Variants in DMD observed in about 807,000 individuals in gnomAD.
DMD encodes dystrophin.
In DMD, 63 loss-of-function variants were observed where a neutral mutation model predicts 330.1. The ratio of observed to expected loss-of-function variants is 0.19; its 90% CI spans 0.16 to 0.24. The LOEUF (loss-of-function observed/expected upper bound fraction) is 0.24, where lower values mean the gene tolerates loss of function less well. Among genes scored for constraint, DMD ranks in the 10% least tolerant of loss-of-function variants. The probability of loss-of-function intolerance (pLI) is 1.00; values close to 1 mark genes in which losing one functional copy is unlikely to be tolerated. For synonymous variants in DMD, 1,223 were observed against 959.8 expected, an observed-to-expected ratio of 1.27 and a Z score of -5.07; for missense variants, 3,344 against 2,684.1, an observed-to-expected ratio of 1.25 and a Z score of -5.43.
intron 49 of DMD, among the ~76,000 whole-genome samples, chrX:31,833,004 G>A (rs1399854294): frequency 9.0e-6 from 1 of 110,908 alleles, no homozygotes; most frequent in African/African-American, 3.3e-5. Flanking sequence ...TTATATTGTT[G>A]TTACTGATAG....
At chrX:32,670,153 T>C (rs761929191) in intron 9 of DMD, among the ~76,000 whole-genome samples, 63 of 111,482 alleles carry the variant, frequency 5.7e-4, no homozygotes, top group Admixed American at 2.0e-3. Flanking sequence ...ATATGAAAAG[T>C]TATTATACTT....
chrX:33,053,871 G>C (rs1362546073), intron 1 of DMD, among the ~76,000 whole-genome samples: 1 of 111,150 alleles, frequency 9.0e-6, no homozygotes, highest in Non-Finnish European at 1.9e-5. Context: ...TCGGTGGGTG[G>C]GAAGGGGTGA....
At chrX:31,538,231 C>T (rs1386577584) in intron 55 of DMD, among the ~76,000 whole-genome samples, 1 of 112,238 alleles carries the variant, frequency 8.9e-6, no homozygotes, top group Non-Finnish European at 1.9e-5. Context: ...GGTGTGCCTG[C>T]ATTTTCACTG....
At chrX:31,815,959 C>A (rs967934294) in intron 50 of DMD, among the ~76,000 whole-genome samples, 1 of 111,856 alleles carries the variant, frequency 8.9e-6, no homozygotes, top group African/African-American at 3.3e-5. Context: ...GTTCTGCAAC[C>A]AACAGCCAGC....
At chrX:31,575,638 GGTAA>G (rs1294405642) in intron 55 of DMD, among the ~76,000 whole-genome samples, 1 of 111,851 alleles carries the variant, frequency 8.9e-6, no homozygotes, top group Non-Finnish European at 1.9e-5. Context: ...TTTGTGTGAA[GGTAA>G]GTAAGTGCCA....
chrX:32,406,665 T>C (rs2098118598), intron 30 of DMD, among the ~76,000 whole-genome samples: 3 of 110,864 alleles, frequency 2.7e-5, no homozygotes, highest in Admixed American at 9.6e-5. Flanking sequence ...CAGTATTTTA[T>C]TGAGGATTTT....
chrX:32,288,633 G>A (rs1212390030), intron 42 of DMD, among the ~76,000 whole-genome samples: 1 of 111,703 alleles, frequency 9.0e-6, no homozygotes, highest in African/African-American at 3.3e-5. Flanking sequence ...ATCTTCTGGT[G>A]GCTCTTCATC....
intron 27 of DMD, among the ~76,000 whole-genome samples, chrX:32,448,128 T>C (rs2098313255): frequency 9.1e-6 from 1 of 110,350 alleles, no homozygotes; most frequent in Non-Finnish European, 1.9e-5. Context: ...CTGGAGAAAA[T>C]TTATAGGATT....
intron 48 of DMD, among the ~76,000 whole-genome samples, chrX:31,857,942 A>G (rs2093642086): frequency 9.1e-6 from 1 of 110,053 alleles, no homozygotes; most frequent in Non-Finnish European, 1.9e-5. Context: ...CACTGACACT[A>G]TTGCTCAAAG....
chrX:31,525,250 A>G (rs1032426604), intron 55 of DMD, among the ~76,000 whole-genome samples: 13 of 111,965 alleles, frequency 1.2e-4, no homozygotes, highest in Non-Finnish European at 2.1e-4. Context: ...GAAGCATTTA[A>G]AAGAGGACTT....
At chrX:33,084,364 T>A (rs1393526399) in intron 1 of DMD, among the ~76,000 whole-genome samples, 2 of 112,396 alleles carry the variant, frequency 1.8e-5, no homozygotes, top group African/African-American at 6.5e-5. Flanking sequence ...AAAGAGTAAT[T>A]CATGCAGAGC....
intron 72 of DMD, among the ~76,000 whole-genome samples, chrX:31,172,849 T>C (rs1387992604): frequency 2.7e-5 from 3 of 111,826 alleles, no homozygotes; most frequent in East Asian, 2.8e-4. Flanking sequence ...AGTTAGAATA[T>C]TGACAAAGGA....
chrX:32,053,143 ATAGT>A (rs1207165631), intron 44 of DMD, among the ~76,000 whole-genome samples: 2 of 111,578 alleles, frequency 1.8e-5, no homozygotes, highest in African/African-American at 6.5e-5. Context: ...AGAAGGTGTA[ATAGT>A]TAGGTCACGC....
intron 43 of DMD, among the ~76,000 whole-genome samples, chrX:32,252,763 AATATATATAAAT>A (rs2097274914): frequency 5.2e-5 from 1 of 19,336 alleles, no homozygotes; most frequent in Admixed American, 1.4e-3. Context: ...TAAATATATA[AATATATATAAAT>A]ATATATAAAT....
chrX:31,844,152 C>T (rs1408563372), intron 48 of DMD, among the ~76,000 whole-genome samples: 1 of 112,038 alleles, frequency 8.9e-6, no homozygotes, highest in African/African-American at 3.2e-5. Flanking sequence ...AGCCACCGCA[C>T]CTGGCTGAGA....
chrX:32,448,613 T>C lies in DMD; in HGVS notation c.3629A>G (p.Lys1210Arg). ...AGTAAGGAGTTTCACTTTCGCTTCT[T>C]TTTGTTGGGCCTCTTCTTTAGCTCT... is the stretch of plus-strand genomic sequence containing the variant. ...MKRAKEEAQQ[K>R]EAKVKLLTES... Residue 1210 changes from lysine to arginine, a missense_variant, in exon 27 of 79, where the codon AAA becomes AGA. Physicochemically the swap from Lys to Arg is conservative, Grantham distance 26. Coordinates refer to ENST00000357033, the MANE Select transcript of DMD (RefSeq NM_004006.3). 2 of 1,207,812 alleles carry C rather than the reference T, an allele frequency of 1.7e-6. No homozygotes were observed. Among genetic ancestry groups the C allele is most frequent in the Non-Finnish European group, 2.2e-6 (2 of 892,999 alleles).
chrX:32,961,864 T>C lies in DMD; in HGVS notation c.93+58275A>G, dbSNP rs1294045219. ...AACTAAGTCATCCCAGTTTTGCACA[T>C]ATTATACTTGCGTTAAGTTCTTTTT... On this transcript the variant is annotated intron_variant, in intron 2 of 78. Transcript: ENST00000357033. Among the ~76,000 whole-genome samples the C allele has an allele frequency of 2.7e-5, 3 of 111,895 alleles. No individual in the cohort carries two copies. In the South Asian group the frequency reaches 1.1e-3, roughly 41 times the overall value.
chrX:32,748,020 TA>T (rs1312124850), intron 7 of DMD, among the ~76,000 whole-genome samples: 2 of 111,551 alleles, frequency 1.8e-5, no homozygotes, highest in Non-Finnish European at 3.8e-5. Context: ...AGCACAATGG[TA>T]ATACACGTAT....
At chrX:31,730,004 C>G (rs1176477445) in intron 51 of DMD, among the ~76,000 whole-genome samples, 1 of 111,661 alleles carries the variant, frequency 9.0e-6, no homozygotes, top group Non-Finnish European at 1.9e-5. Flanking sequence ...TTCCGGAGTA[C>G]CTCGGATTAC....
Sources: gnomAD v4.1 joint callset for allele counts (sites outside exome capture counted in the v4.1 genomes callset) on GRCh38, gnomAD v4.1.1 for gene constraint, MANE v1.5 for transcripts, NCBI Gene and HGNC (gene_info 2026-07-23, HGNC 2026-07-21) for gene names.